The following ECHDC1 variants were observed in gnomAD, a reference collection of about 807,000 sequenced individuals.
ECHDC1 encodes ethylmalonyl-CoA decarboxylase.
In ECHDC1, 29 loss-of-function variants were observed where a neutral mutation model predicts 29.7. The ratio of observed to expected loss-of-function variants is 0.98; its 90% CI spans 0.73 to 1.33. The LOEUF (loss-of-function observed/expected upper bound fraction) is 1.33, where lower values mean the gene tolerates loss of function less well. Ranked by LOEUF, ECHDC1 falls within the 40% of genes most tolerant of loss-of-function variation. The pLI is 0.00. For synonymous variants in ECHDC1, 126 were observed against 123.1 expected, an observed-to-expected ratio of 1.02 and a Z score of -0.15; for missense variants, 328 against 350.0, an observed-to-expected ratio of 0.94 and a Z score of 0.50.
At chr6:127,304,589 C>T (rs1443253106) in intron 5 of ECHDC1, among the ~76,000 whole-genome samples, 1 of 152,094 alleles carries the variant, frequency 6.6e-6, no homozygotes, top group Non-Finnish European at 1.5e-5. Flanking sequence ...AAAAGAGATA[C>T]GTGACTTTTC....
chr6:127,318,617 GTAGT>G (rs1270155319), intron 3 of ECHDC1, among the ~76,000 whole-genome samples: 1 of 152,190 alleles, frequency 6.6e-6, no homozygotes, highest in Non-Finnish European at 1.5e-5. Flanking sequence ...TGGGATGGGG[GTAGT>G]TAGACAGGCT....
intron 5 of ECHDC1, among the ~76,000 whole-genome samples, chr6:127,297,188 ATAAT>A (rs1188746056): frequency 7.2e-5 from 11 of 152,322 alleles, no homozygotes; most frequent in African/African-American, 1.7e-4. Context: ...AAATTAGGCA[ATAAT>A]TAATAAATAT....
chr6:127,299,728 C>G (rs1211953744), intron 5 of ECHDC1, among the ~76,000 whole-genome samples: 2 of 152,148 alleles, frequency 1.3e-5, no homozygotes, highest in African/African-American at 4.8e-5. Flanking sequence ...GGAGTACATT[C>G]TAAGTGTACA....
At chr6:127,339,980 C>G (rs1032886848) in intron 1 of ECHDC1, among the ~76,000 whole-genome samples, 5 of 152,100 alleles carry the variant, frequency 3.3e-5, no homozygotes, top group African/African-American at 1.2e-4. Flanking sequence ...CTCTGCTCCT[C>G]TTCAGAAAGG....
intron 1 of ECHDC1, among the ~76,000 whole-genome samples, chr6:127,332,659 C>T (rs1784069402): frequency 6.6e-6 from 1 of 152,110 alleles, no homozygotes; most frequent in East Asian, 1.9e-4. Context: ...TTTTGAGTAC[C>T]TCATCAGCCT....
At chr6:127,295,252 G>A (rs80063041) in intron 5 of ECHDC1, among the ~76,000 whole-genome samples, 3,809 of 152,198 alleles carry the variant, frequency 0.025, 67 homozygotes, top group East Asian at 0.1. Context: ...GGATAAGAAC[G>A]TTTACAGCTC....
chr6:127,309,044 T>C (rs1167540258), intron 5 of ECHDC1, among the ~76,000 whole-genome samples: 2 of 152,170 alleles, frequency 1.3e-5, no homozygotes, highest in East Asian at 3.9e-4. Flanking sequence ...GCAATCTAGA[T>C]ATTCAGTGTA....
intron 5 of ECHDC1, among the ~76,000 whole-genome samples, chr6:127,304,614 A>C (rs1441947040): frequency 6.6e-6 from 1 of 152,216 alleles, no homozygotes; most frequent in African/African-American, 2.4e-5. Context: ...AGAGAATTCA[A>C]AGTAGCTGTT....
chr6:127,290,277 CCTGT>C lies in ECHDC1; in HGVS notation c.498-4_498-1del, dbSNP rs1562300645. ...TGATCTTACTCTCTGGAGTCATTAA[CCTGT>C]AAAAGAAAAAAGAAAAGCTTAATTG... On this transcript the variant is annotated splice_acceptor_variant and splice_polypyrimidine_tract_variant and intron_variant, in intron 5 of 5. Coordinates refer to ENST00000454859, the MANE Select transcript of ECHDC1 (RefSeq NM_001002030.2). LOFTEE classifies it high-confidence loss of function. 6.2e-7 allele frequency: 1 copy of C among 1,604,940 alleles called. No homozygotes were observed. Among genetic ancestry groups the C allele is most frequent in the Non-Finnish European group, 8.5e-7 (1 of 1,176,306 alleles).
intron 5 of ECHDC1, among the ~76,000 whole-genome samples, chr6:127,311,711 G>GAAAA (rs1781945785): frequency 1.7e-4 from 12 of 71,732 alleles, no homozygotes; most frequent in Non-Finnish European, 2.7e-4. Context: ...AAAGAAAAAA[G>GAAAA]AAAGAAAGAA....
At chr6:127,313,449 TATTTCA>T in intron 5 of ECHDC1, 1 of 385,838 alleles carries the variant, frequency 2.6e-6, no homozygotes, top group Non-Finnish European at 5.2e-6. Context: ...GTGATCTGCC[TATTTCA>T]GCCCCCCAAA....
Position 127,289,961 on chromosome 6 carries a change from C to T in ECHDC1, c.814G>A (p.Ala272Thr), listed in dbSNP as rs1188747035. 1.2e-6 allele frequency: 2 copies of T among 1,613,504 alleles called. No homozygotes were observed. Among genetic ancestry groups the T allele is most frequent in the Non-Finnish European group, 1.7e-6 (2 of 1,179,700 alleles). Residue 272 changes from alanine (A) to threonine (T), a missense_variant, in exon 6 of 6, where the codon GCA (alanine) becomes ACA (threonine). Coordinates refer to ENST00000454859, the MANE Select transcript of ECHDC1 (RefSeq NM_001002030.2). Reference protein sequence around the residue: ...CSGRELYLEEALQNERDLLGT... With the variant: ...CSGRELYLEETLQNERDLLGT... Reference sequence around the variant, plus strand: ...AAAAGATCTCTTTCGTTCTGTAATGCTTCCTCCAAATATAGCTCTCTGCCT... The same window carrying T: ...AAAAGATCTCTTTCGTTCTGTAATGTTTCCTCCAAATATAGCTCTCTGCCT...
chr6:127,312,389 C>A (rs1025623400), intron 5 of ECHDC1, among the ~76,000 whole-genome samples: 1 of 152,108 alleles, frequency 6.6e-6, no homozygotes, highest in African/African-American at 2.4e-5. Flanking sequence ...TGGTTCCCAC[C>A]CGTCAAATGG....
chr6:127,332,482 G>C (rs906789616), intron 1 of ECHDC1, among the ~76,000 whole-genome samples: 2 of 152,076 alleles, frequency 1.3e-5, no homozygotes, highest in Non-Finnish European at 1.5e-5. Context: ...TACACATTTT[G>C]GGGAGACATG....
intron 3 of ECHDC1, among the ~76,000 whole-genome samples, chr6:127,317,358 A>G (rs1321590058): frequency 1.3e-5 from 2 of 151,912 alleles, no homozygotes; most frequent in Non-Finnish European, 2.9e-5. Flanking sequence ...AGTCTCATCT[A>G]CTTCCATATA....
rs376685759 is a variant in ECHDC1 at position 127,331,034 on chromosome 6, G to A, written c.-2-4C>T. The stretch of plus-strand genomic sequence containing the variant: ...TTCAAAAGACTTTTCGCCATTTCTG[G>A]AAAACAGAAATAAGTATGCGGTAGT... On this transcript the variant is annotated splice_polypyrimidine_tract_variant and splice_region_variant and intron_variant, in intron 1 of 5. Transcript: ENST00000454859. 2.6e-5 allele frequency: 42 copies of A among 1,609,170 alleles called. No individual in the cohort carries two copies. Among genetic ancestry groups the A allele is most frequent in the Non-Finnish European group, 3.3e-5 (39 of 1,178,158 alleles).
Position 127,339,437 on chromosome 6 carries a change from C to T in ECHDC1, c.-3+3899G>A, listed in dbSNP as rs76737558. The stretch of plus-strand genomic sequence containing the variant: ...TATTATGGTACCTAGTCATCATTTT[C>T]TAAACTAAAGATAATATCTATATTT... On this transcript the variant is annotated intron_variant, in intron 1 of 5. Transcript: ENST00000454859. Among the ~76,000 whole-genome samples, 957 of 151,686 alleles carry T rather than the reference C, an allele frequency of 6.3e-3. 10 individuals are homozygous for T. Among genetic ancestry groups the T allele is most frequent in the African/African-American group, 0.023 (933 of 41,304 alleles).
At chr6:127,314,952 A>G in intron 4 of ECHDC1, 56 bp from the exon 5 acceptor site, 1 of 1,514,476 alleles carries the variant, frequency 6.6e-7, no homozygotes, top group East Asian at 2.4e-5. Flanking sequence ...ATTCATTTAC[A>G]AATGTTATTT....
chr6:127,327,142 C>CT lies in ECHDC1; in HGVS notation c.222_223insA (p.Val75SerfsTer12). On this transcript the variant is annotated frameshift_variant and splice_region_variant, in exon 3 of 6. Transcript: ENST00000454859. LOFTEE classifies it high-confidence loss of function. ...TTTTCCAGAAGTTGTAGCATCATAA[C>CT]ACCTGCCAGAGATGGAAGTGGGAAA... 1.2e-6 allele frequency: 2 copies of CT among 1,611,670 alleles called. No individual in the cohort carries two copies. The highest frequency in any genetic ancestry group is 1.7e-5 in the Admixed American group (1 of 59,610).
Sources: allele counts gnomAD v4.1 joint callset (sites outside exome capture counted in the v4.1 genomes callset), GRCh38; gene constraint gnomAD v4.1.1; transcripts MANE v1.5; gene names NCBI Gene and HGNC (gene_info 2026-07-23, HGNC 2026-07-21).